GALK2: variants seen among roughly 807,000 people sequenced by gnomAD.
GALK2 encodes galactokinase 2.
A neutral mutation model predicts 52.4 loss-of-function variants in GALK2; 36 were observed. The observed-to-expected ratio is 0.69, with a 90% CI of 0.53 to 0.91. The LOEUF is 0.91. GALK2 is among the 40% of genes least tolerant of loss of function. The probability of loss-of-function intolerance (pLI) is 0.00; values close to 1 mark genes in which losing one functional copy is unlikely to be tolerated. For synonymous variants in GALK2, 176 were observed against 199.1 expected (o/e 0.88, Z 0.98); for missense variants, 579 against 559.1 (o/e 1.04, Z -0.36).
At chr15:49,289,169 C>T (rs970446625) in intron 7 of GALK2, among the ~76,000 whole-genome samples, 1 of 152,108 alleles carries the variant, frequency 6.6e-6, no homozygotes, top group African/African-American at 2.4e-5. Flanking sequence ...GTGAGCTGCA[C>T]GTGGTCAGGA....
intron 1 of GALK2, among the ~76,000 whole-genome samples, chr15:49,198,029 C>G (rs2087393010): frequency 6.6e-6 from 1 of 152,118 alleles, no homozygotes. Context: ...ACAAACTTCT[C>G]TATAAAATAG....
At chr15:49,256,744 A>G (rs1353483561) in intron 5 of GALK2, among the ~76,000 whole-genome samples, 1 of 152,020 alleles carries the variant, frequency 6.6e-6, no homozygotes, top group African/African-American at 2.4e-5. Context: ...TAACTTCACT[A>G]TAGCGCTTCT....
chr15:49,243,028 G>C (rs548902813), intron 5 of GALK2, among the ~76,000 whole-genome samples: 2 of 152,308 alleles, frequency 1.3e-5, no homozygotes, highest in Admixed American at 1.3e-4. Flanking sequence ...ATGGAGAAAG[G>C]TCAGAGCCAA....
chr15:49,292,475 G>C lies in GALK2; in HGVS notation c.905G>C (p.Arg302Thr). The change falls in exon 8 of 10, where the codon AGG (arginine) becomes ACG (threonine). Residue 302 changes from arginine (R) to threonine (T), a missense_variant. By Grantham distance (71) the Arg-to-Thr change is moderately conservative. Transcript: ENST00000560031. ...PEPYNPEEIC[R>T]CLGISLEELR... ...CCCTATAACCCTGAGGAGATCTGCA[G>C]GTGTCTGGGAATTAGCCTGGAGGAA... 5 of 1,614,042 alleles carry C rather than the reference G, an allele frequency of 3.1e-6. No homozygotes were observed. Among genetic ancestry groups the C allele is most frequent in the African/African-American group, 1.3e-5 (1 of 75,044 alleles).
At chr15:49,177,453 A>T (rs1033170501) in intron 1 of GALK2, among the ~76,000 whole-genome samples, 2 of 152,276 alleles carry the variant, frequency 1.3e-5, no homozygotes, top group Non-Finnish European at 2.9e-5. Context: ...TATAGTTTTC[A>T]AACATTATTG....
rs1596603589 is a variant in GALK2 at position 49,366,830 on chromosome 15, A to C, written c.427-661A>C. ...GCTGCAGGGGCCGCCACTGCAGCCC[A>C]CACTCTAATTTAGTGGCTAGTGTTC... On this transcript the variant is annotated intron_variant, in intron 3 of 3. Coordinates refer to the GALK2 transcript ENST00000558399. 1.3e-5 allele frequency: 7 copies of C among 546,522 alleles called. No individual in the cohort carries two copies. The Admixed American group carries it at 2.5e-4, about 20-fold the overall frequency. 33.9% of individuals were successfully genotyped at this position (546,522 alleles called of 1,614,324 possible).
At chr15:49,247,122 G>GA (rs2091390339) in intron 5 of GALK2, among the ~76,000 whole-genome samples, 1 of 152,158 alleles carries the variant, frequency 6.6e-6, no homozygotes, top group Non-Finnish European at 1.5e-5. Flanking sequence ...GAGCAGCTGA[G>GA]AAAGAGTGTC....
chr15:49,180,163 A>G (rs1482138894), intron 1 of GALK2, among the ~76,000 whole-genome samples: 2 of 152,190 alleles, frequency 1.3e-5, no homozygotes, highest in Non-Finnish European at 2.9e-5. Context: ...ACATTTTAGG[A>G]GACTTATTCT....
chr15:49,165,889 G>A (rs568498219), upstream of GALK2, among the ~76,000 whole-genome samples: 4 of 149,206 alleles, frequency 2.7e-5, no homozygotes, highest in East Asian at 2.0e-4. Context: ...TGCAAGCTCC[G>A]CCTCCCAGGT....
chr15:49,198,702 TC>T (rs755974140), intron 1 of GALK2, among the ~76,000 whole-genome samples: 3 of 151,284 alleles, frequency 2.0e-5, no homozygotes, highest in Non-Finnish European at 4.4e-5. Flanking sequence ...TCTTTTTCTT[TC>T]CTACACTTCA....
chr15:49,183,937 C>T (rs1484425089), intron 1 of GALK2, among the ~76,000 whole-genome samples: 1 of 151,184 alleles, frequency 6.6e-6, no homozygotes, highest in African/African-American at 2.4e-5. Context: ...AATGTGTATT[C>T]TGCCACCGTT....
chr15:49,258,279 C>G (rs1200227208), intron 5 of GALK2, among the ~76,000 whole-genome samples: 1 of 151,916 alleles, frequency 6.6e-6, no homozygotes, highest in Middle Eastern at 3.2e-3. Flanking sequence ...AAAAGATAAC[C>G]TAAAGTGTTA....
intron 8 of GALK2, among the ~76,000 whole-genome samples, chr15:49,308,735 G>A (rs551015220): frequency 7.9e-5 from 12 of 152,304 alleles, no homozygotes; most frequent in African/African-American, 1.9e-4. Flanking sequence ...CACCCTTCAA[G>A]AAGGGCATAC....
intron 4 of GALK2, 68 bp downstream of exon 4, chr15:49,236,009 A>C (rs2090780833): frequency 1.1e-6 from 1 of 932,326 alleles, no homozygotes; most frequent in Admixed American, 1.8e-5. Flanking sequence ...GATTTATTTT[A>C]TTTACTACAT....
intron 3 of GALK2, among the ~76,000 whole-genome samples, chr15:49,351,287 T>C (rs73396254): frequency 5.9e-5 from 9 of 152,324 alleles, no homozygotes; most frequent in Admixed American, 3.9e-4. Context: ...ATGGAATTGT[T>C]AGTTTAATTC....
At position 49,328,877 on chromosome 15, in the gene GALK2, T is replaced by A; in HGVS notation, c.*718T>A. On this transcript the variant is annotated 3_prime_UTR_variant, in exon 10 of 10. Transcript: ENST00000560031. ...TATAAATAACCACTTTCAATTCTTTTGGCCCTGAGCTATCTCCATTACTTA... is the reference window on the plus strand; with the variant it reads ...TATAAATAACCACTTTCAATTCTTTAGGCCCTGAGCTATCTCCATTACTTA... The A allele has an allele frequency of 3.0e-6, 4 of 1,329,892 alleles. No homozygotes were observed. Among genetic ancestry groups the A allele is most frequent in the Non-Finnish European group, 3.9e-6 (4 of 1,037,904 alleles). 82.4% of individuals were successfully genotyped at this position (1,329,892 alleles called of 1,614,324 possible). A position where few individuals can be genotyped will look rare whatever the true frequency, so the allele number is the denominator to read the frequency against.
intron 2 of GALK2, among the ~76,000 whole-genome samples, chr15:49,215,674 A>C (rs2089308749): frequency 6.6e-6 from 1 of 152,210 alleles, no homozygotes; most frequent in African/African-American, 2.4e-5. Context: ...TCCTCAAGAC[A>C]GTTCTTTTGA....
Position 49,292,491 on chromosome 15 carries a change from C to G in GALK2, c.921C>G (p.Ser307Arg). The G allele has an allele frequency of 6.2e-7, 1 of 1,613,958 alleles. No individual in the cohort carries two copies. The highest frequency in any genetic ancestry group is 1.1e-5 in the South Asian group (1 of 91,068). ...PEEICRCLGI[S>R]LEELRTQILS... ...AGATCTGCAGGTGTCTGGGAATTAG[C>G]CTGGAGGAACTCCGAACCCAAATCC... The change falls in exon 8 of 10, where the codon AGC becomes AGG. Residue 307 changes from serine to arginine, a missense_variant. Transcript: ENST00000560031.
intron 5 of GALK2, among the ~76,000 whole-genome samples, chr15:49,278,387 T>G (rs1280686216): frequency 6.6e-6 from 1 of 152,242 alleles, no homozygotes; most frequent in Non-Finnish European, 1.5e-5. Context: ...TCTCTTTCCC[T>G]GAACACTTAA....
Sources: gnomAD v4.1 joint callset for allele counts (sites outside exome capture counted in the v4.1 genomes callset) on GRCh38, gnomAD v4.1.1 for gene constraint, MANE v1.5 for transcripts, NCBI Gene and HGNC (gene_info 2026-07-23, HGNC 2026-07-21) for gene names.